Variants in NBAS observed in about 807,000 individuals in gnomAD.
NBAS encodes the protein NAG/BC035112 fusion.
A neutral mutation model predicts 302.5 loss-of-function variants in NBAS; 219 were observed. That is an observed-to-expected ratio of 0.72 (90% CI 0.65 to 0.81). The LOEUF (loss-of-function observed/expected upper bound fraction) is 0.81, where lower values mean the gene tolerates loss of function less well. Ranked by LOEUF, NBAS falls within the 30% of genes least tolerant of loss-of-function variation. NBAS has a pLI of 0.00. For synonymous variants in NBAS, 1,118 were observed against 1,021.6 expected (o/e 1.09, Z -1.80); for missense variants, 2,932 against 2,841.6 (o/e 1.03, Z -0.72).
chr2:15,355,252 C>T (rs1431396498), intron 33 of NBAS, among the ~76,000 whole-genome samples: 1 of 152,104 alleles, frequency 6.6e-6, no homozygotes, highest in African/African-American at 2.4e-5. Flanking sequence ...TGGACCTTCA[C>T]ATATTCTTCA....
intron 48 of NBAS, among the ~76,000 whole-genome samples, chr2:15,212,013 A>G (rs1666434901): frequency 6.6e-6 from 1 of 152,228 alleles, no homozygotes; most frequent in Non-Finnish European, 1.5e-5. Flanking sequence ...GCATGTGCTA[A>G]TAAGTTCAGC....
chr2:15,124,308 A>G, the NBAS span, among the ~76,000 whole-genome samples: 2 of 152,328 alleles, frequency 1.3e-5, no homozygotes, highest in African/African-American at 4.8e-5. Flanking sequence ...TAAGTGTTCA[A>G]GAAGTGGAAT....
the NBAS span, among the ~76,000 whole-genome samples, chr2:15,152,009 A>C: frequency 6.6e-6 from 1 of 151,906 alleles, no homozygotes; most frequent in Non-Finnish European, 1.5e-5. Flanking sequence ...GACCATGCCC[A>C]CCTAATTTTT....
the NBAS span, among the ~76,000 whole-genome samples, chr2:14,942,821 A>C: frequency 1.3e-5 from 2 of 152,346 alleles, no homozygotes; most frequent in African/African-American, 4.8e-5. Context: ...CTCAATCTGT[A>C]GAGAAAAATG....
chr2:15,116,609 A>T, the NBAS span, among the ~76,000 whole-genome samples: 1 of 152,360 alleles, frequency 6.6e-6, no homozygotes, highest in South Asian at 2.1e-4. Context: ...GTAGGCACAC[A>T]AATATTCAAT....
chr2:15,072,407 G>T, the NBAS span, among the ~76,000 whole-genome samples: 1 of 152,222 alleles, frequency 6.6e-6, no homozygotes, highest in East Asian at 1.9e-4. Context: ...TTAAGTACAT[G>T]ACTCCTTTAC....
Position 15,167,298 on chromosome 2 carries a change from T to TC in NBAS, c.6865dup (p.Glu2289GlyfsTer26), listed in dbSNP as rs1338547260. 3.1e-6 allele frequency: 5 copies of TC among 1,614,066 alleles called. No individual in the cohort carries two copies. In the Admixed American group the frequency reaches 6.7e-5, roughly 22 times the overall value. On this transcript the variant is annotated frameshift_variant, in exon 52 of 52. Coordinates refer to ENST00000281513, the MANE Select transcript of NBAS (RefSeq NM_015909.4). LOFTEE classifies it low-confidence loss of function (END_TRUNC). ...GGCATCCAGGAGCAGGGAAAGAAGT[T>TC]CTTGGTCACAATTGGAATCATTCAC...
rs968631280 is a variant in NBAS at position 15,330,538 on chromosome 2, T to C, written c.4347+60A>G. On this transcript the variant is annotated intron_variant, in intron 36 of 51. Coordinates refer to ENST00000281513, the MANE Select transcript of NBAS (RefSeq NM_015909.4). ...TATAACAGTGAAAACAACTGAAACA[T>C]TGCTAATGAATTTATATAAACCATG... The C allele has an allele frequency of 4.4e-6, 7 of 1,600,054 alleles. No homozygotes were observed. The African/African-American group carries it at 6.7e-5, about 15-fold the overall frequency.
At chr2:15,105,828 CT>C in the NBAS span, among the ~76,000 whole-genome samples, 5 of 152,274 alleles carry the variant, frequency 3.3e-5, no homozygotes, top group Non-Finnish European at 5.9e-5. Flanking sequence ...TATTTCTCCC[CT>C]GGTCCTTCAA....
At chr2:15,205,751 G>C (rs977533170) in intron 48 of NBAS, among the ~76,000 whole-genome samples, 4 of 152,100 alleles carry the variant, frequency 2.6e-5, no homozygotes, top group African/African-American at 9.7e-5. Flanking sequence ...CACGAGATCT[G>C]GTTGTTTGAT....
chr2:15,264,163 AAG>A (rs1248925897), intron 44 of NBAS, among the ~76,000 whole-genome samples: 2 of 152,214 alleles, frequency 1.3e-5, no homozygotes, highest in African/African-American at 4.8e-5. Context: ...GTTTGCCAGA[AAG>A]AGGAGAGCAC....
intron 51 of NBAS, among the ~76,000 whole-genome samples, chr2:15,170,765 A>G (rs1222940977): frequency 6.6e-6 from 1 of 152,224 alleles, no homozygotes; most frequent in Non-Finnish European, 1.5e-5. Flanking sequence ...AGAAGAAAGA[A>G]AGAGATGGCC....
chr2:15,105,850 G>C, the NBAS span, among the ~76,000 whole-genome samples: 1 of 152,126 alleles, frequency 6.6e-6, no homozygotes, highest in Non-Finnish European at 1.5e-5. Context: ...GATCTTTAAA[G>C]ATCATGTCCA....
intron 26 of NBAS, chr2:15,397,707 A>T (rs79784867): frequency 2.3e-6 from 1 of 431,080 alleles, no homozygotes; most frequent in Non-Finnish European, 4.3e-6. Flanking sequence ...CATTGGGCAC[A>T]GTTCATGCAG....
intron 42 of NBAS, among the ~76,000 whole-genome samples, chr2:15,277,796 G>C: frequency 6.6e-6 from 1 of 152,054 alleles, no homozygotes. Context: ...AGGTATTTTT[G>C]CTTGGTTGAT....
chr2:15,091,293 A>AGTTGACCCTCAAACAACACG, the NBAS span, among the ~76,000 whole-genome samples: 3 of 151,908 alleles, frequency 2.0e-5, no homozygotes, highest in Non-Finnish European at 4.4e-5. Context: ...CACTTCATAC[A>AGTTGACCCTCAAACAACACG]GTTTGAACTG....
intron 12 of NBAS, among the ~76,000 whole-genome samples, chr2:15,485,221 C>A (rs1218731844): frequency 6.6e-6 from 1 of 151,816 alleles, no homozygotes; most frequent in Non-Finnish European, 1.5e-5. Context: ...TGTATCACAT[C>A]CACCGAGAAA....
At chr2:14,880,455 C>A in the NBAS span, among the ~76,000 whole-genome samples, 1 of 151,726 alleles carries the variant, frequency 6.6e-6, no homozygotes, top group Non-Finnish European at 1.5e-5. Flanking sequence ...AAAACAATAT[C>A]ATTAATTAGA....
the NBAS span, among the ~76,000 whole-genome samples, chr2:15,124,449 A>T: frequency 6.6e-6 from 1 of 152,210 alleles, no homozygotes; most frequent in Non-Finnish European, 1.5e-5. Context: ...TAAAGAAAGA[A>T]TCCAAGCAGG....
Sources: gnomAD v4.1 joint callset for allele counts (sites outside exome capture counted in the v4.1 genomes callset) on GRCh38, gnomAD v4.1.1 for gene constraint, MANE v1.5 for transcripts, NCBI Gene and HGNC (gene_info 2026-07-23, HGNC 2026-07-21) for gene names.